Variants in ANKRD55 observed in about 807,000 individuals in gnomAD.
ANKRD55 encodes ankyrin repeat domain-containing protein 55.
In ANKRD55, 41 loss-of-function variants were observed where a neutral mutation model predicts 60.6. The observed-to-expected ratio is 0.68, with a 90% CI of 0.53 to 0.88. The LOEUF (loss-of-function observed/expected upper bound fraction) is 0.88. ANKRD55 is among the 40% of genes least tolerant of loss of function. The pLI is 0.00. For synonymous variants in ANKRD55, 264 were observed against 290.3 expected (o/e 0.91, Z 0.92); for missense variants, 732 against 767.6 (o/e 0.95, Z 0.55).
chr5:56,211,905 A>T (rs898854156), intron 2 of ANKRD55, among the ~76,000 whole-genome samples: 3 of 152,224 alleles, frequency 2.0e-5, no homozygotes, highest in African/African-American at 7.2e-5. Context: ...TAGCACAAAT[A>T]TTCTAAAGTG....
At chr5:56,143,552 T>C (rs1008791899) in intron 7 of ANKRD55, among the ~76,000 whole-genome samples, 2 of 152,150 alleles carry the variant, frequency 1.3e-5, no homozygotes, top group South Asian at 4.2e-4. Context: ...GTAGCAAACA[T>C]TGAGATGGAG....
chr5:56,203,008 G>A (rs573723336), intron 2 of ANKRD55, among the ~76,000 whole-genome samples: 142 of 152,160 alleles, frequency 9.3e-4, no homozygotes, highest in African/African-American at 3.4e-3. Context: ...TAATCTTTAT[G>A]TATGGGGCCT....
At chr5:56,229,778 T>A (rs193284226) in intron 2 of ANKRD55, among the ~76,000 whole-genome samples, 3 of 152,384 alleles carry the variant, frequency 2.0e-5, no homozygotes. Context: ...GAGTCAGTGC[T>A]AGGCCAGGGA....
At chr5:56,138,550 T>C (rs1012379342) in intron 7 of ANKRD55, among the ~76,000 whole-genome samples, 1 of 152,244 alleles carries the variant, frequency 6.6e-6, no homozygotes, top group Non-Finnish European at 1.5e-5. Context: ...CAGATGTTTA[T>C]AGTGGTTTTA....
chr5:56,178,687 G>T (rs1758790516), intron 3 of ANKRD55, among the ~76,000 whole-genome samples: 1 of 152,036 alleles, frequency 6.6e-6, no homozygotes, highest in Non-Finnish European at 1.5e-5. Flanking sequence ...TGGATAAGAA[G>T]TATAAAACTT....
intron 2 of ANKRD55, among the ~76,000 whole-genome samples, chr5:56,217,108 C>T (rs1184213792): frequency 6.6e-6 from 1 of 152,180 alleles, no homozygotes; most frequent in South Asian, 2.1e-4. Context: ...CATTCCAAAA[C>T]CTGAAGTCTC....
At position 56,151,109 on chromosome 5, in the gene ANKRD55, C is replaced by T. The variant is rs185970060; in HGVS notation, c.484-7180G>A. Among the ~76,000 whole-genome samples the T allele has an allele frequency of 2.0e-5, 3 of 152,206 alleles. No homozygotes were observed. The East Asian group carries it at 5.8e-4, about 29-fold the overall frequency. ...CTGAGCTCAAGCAATCCTCCTGCCT[C>T]GGCCTCCCAAAGGGCTGGGATTACA... On this transcript the variant is annotated intron_variant, in intron 6 of 11. Coordinates refer to ENST00000341048, the MANE Select transcript of ANKRD55 (RefSeq NM_024669.3).
rs1210519175 is a variant in ANKRD55, at chr5:56,111,697, A to G, written c.1051T>C (p.Cys351Arg). The G allele has an allele frequency of 1.3e-6, 2 of 1,523,340 alleles. No individual in the cohort carries two copies. The highest frequency in any genetic ancestry group is 1.8e-6 in the Non-Finnish European group (2 of 1,140,958). The allele number at this position is 1,523,340 out of a possible 1,614,324, so 94.4% of individuals were successfully genotyped here. The change falls in exon 10 of 12, where the codon TGC (cysteine) becomes CGC (arginine). Residue 351 changes from cysteine to arginine, a missense_variant. Physicochemically the swap from Cys to Arg is radical, Grantham distance 180 (BLOSUM62 -3). Transcript: ENST00000341048. Reference sequence around the variant, plus strand: ...CTCTGCTCTTCTTTCTTGTTTTTGCAGAATATTTGGTTGAGCACGTTGAAC... The same window carrying G: ...CTCTGCTCTTCTTTCTTGTTTTTGCGGAATATTTGGTTGAGCACGTTGAAC... ...RRFNVLNQIFCKNKKEEQRAH... is the reference protein window; with the variant it reads ...RRFNVLNQIFRKNKKEEQRAH...
At chr5:56,103,987 A>T (rs1756370967) in intron 10 of ANKRD55, among the ~76,000 whole-genome samples, 1 of 152,206 alleles carries the variant, frequency 6.6e-6, no homozygotes, top group African/African-American at 2.4e-5. Flanking sequence ...TTTTGCCATT[A>T]TATTTTATCC....
At chr5:56,157,733 T>C (rs1310977285) in intron 6 of ANKRD55, among the ~76,000 whole-genome samples, 3 of 152,176 alleles carry the variant, frequency 2.0e-5, no homozygotes, top group African/African-American at 4.8e-5. Context: ...CTCCCCACTA[T>C]TACCCTATTG....
At chr5:56,101,056 G>A (rs1756256697) in intron 11 of ANKRD55, among the ~76,000 whole-genome samples, 1 of 152,160 alleles carries the variant, frequency 6.6e-6, no homozygotes, top group Non-Finnish European at 1.5e-5. Context: ...TGTGACCTTG[G>A]ACATATCCCT....
chr5:56,204,223 T>C lies in ANKRD55; in HGVS notation c.59-20589A>G, dbSNP rs1193253049. 7.2e-5 allele frequency among the ~76,000 whole-genome samples: 11 copies of C among 152,324 alleles called. No individual in the cohort carries two copies. In the East Asian group the frequency reaches 1.9e-3, roughly 27 times the overall value. ...TGAGTTCATTGTAGATTCTGGATAT[T>C]AGCCCTTTGTCAGATGAGTAGATTG... On this transcript the variant is annotated intron_variant, in intron 2 of 11. Coordinates refer to ENST00000341048, the MANE Select transcript of ANKRD55 (RefSeq NM_024669.3).
At chr5:56,181,083 C>A (rs1758839782) in intron 3 of ANKRD55, among the ~76,000 whole-genome samples, 2 of 152,060 alleles carry the variant, frequency 1.3e-5, no homozygotes, top group Non-Finnish European at 2.9e-5. Context: ...ACCTGTAATC[C>A]CAGTTACTCA....
chr5:56,178,051 T>C (rs1758774866), intron 3 of ANKRD55, among the ~76,000 whole-genome samples: 1 of 152,224 alleles, frequency 6.6e-6, no homozygotes, highest in Admixed American at 6.5e-5. Context: ...TCTTCTAAGC[T>C]ATAATTCGAA....
At chr5:56,168,460 C>T (rs2101169) in intron 5 of ANKRD55, among the ~76,000 whole-genome samples, 43,141 of 151,814 alleles carry the variant, frequency 0.28, 10,708 homozygotes, top group African/African-American at 0.66. Context: ...GTTCACATTA[C>T]TCTTATTTTA....
chr5:56,203,028 A>AG (rs1759416768), intron 2 of ANKRD55, among the ~76,000 whole-genome samples: 1 of 152,114 alleles, frequency 6.6e-6, no homozygotes, highest in African/African-American at 2.4e-5. Context: ...TTTAGGATGG[A>AG]GGCAATATAC....
Position 56,104,455 on chromosome 5 carries a change from G to A in ANKRD55, c.1631-1869C>T, listed in dbSNP as rs1756388823. Among the ~76,000 whole-genome samples the A allele has an allele frequency of 2.0e-5, 3 of 152,142 alleles. 1 individual carries two copies. Among genetic ancestry groups the A allele is most frequent in the South Asian group, 4.1e-4 (2 of 4,830 alleles). On this transcript the variant is annotated intron_variant, in intron 10 of 11. Coordinates refer to ENST00000341048, the MANE Select transcript of ANKRD55 (RefSeq NM_024669.3). ...ACAGCAGTGACTCGGAGATGAAGGG[G>A]AGTTAAACTTTATTCCATGTTGGCA...
chr5:56,215,952 G>A (rs947908887), intron 2 of ANKRD55, among the ~76,000 whole-genome samples: 19 of 151,850 alleles, frequency 1.3e-4, no homozygotes, highest in Non-Finnish European at 2.8e-4. Flanking sequence ...GAATTGTCAT[G>A]AATACATCTT....
At chr5:56,159,442 C>A (rs930891597) in intron 6 of ANKRD55, among the ~76,000 whole-genome samples, 1 of 150,722 alleles carries the variant, frequency 6.6e-6, no homozygotes, top group African/African-American at 2.4e-5. Flanking sequence ...GCCTGGGCAA[C>A]AAGAGCGAAA....
Sources: gnomAD v4.1 joint callset for allele counts (sites outside exome capture counted in the v4.1 genomes callset) on GRCh38, gnomAD v4.1.1 for gene constraint, MANE v1.5 for transcripts, NCBI Gene and HGNC (gene_info 2026-07-23, HGNC 2026-07-21) for gene names.